PTPRT: variants seen among roughly 807,000 people sequenced by gnomAD.
The protein encoded by PTPRT is protein tyrosine phosphatase receptor type T.
In PTPRT, 56 loss-of-function variants were observed where a neutral mutation model predicts 176.8. The observed-to-expected ratio is 0.32, with a 90% CI of 0.26 to 0.40. PTPRT has a LOEUF of 0.40. Among genes scored for constraint, PTPRT ranks in the 10% least tolerant of loss-of-function variants. The probability of loss-of-function intolerance (pLI) is 1.00; values close to 1 mark genes in which losing one functional copy is unlikely to be tolerated. For missense variants in PTPRT, 1,540 were observed against 1,908.2 expected (o/e 0.81, Z 3.60); for synonymous variants, 783 against 739.0 (o/e 1.06, Z -0.96).
intron 27 of PTPRT, among the ~76,000 whole-genome samples, chr20:42,090,251 C>T (rs1984468254): frequency 6.6e-6 from 1 of 151,632 alleles, no homozygotes; most frequent in Admixed American, 6.6e-5. Flanking sequence ...TTTTTTCCTC[C>T]ACTTAGTAGC....
At chr20:42,909,113 C>G (rs1180876670) in intron 1 of PTPRT, among the ~76,000 whole-genome samples, 1 of 152,176 alleles carries the variant, frequency 6.6e-6, no homozygotes, top group African/African-American at 2.4e-5. Context: ...GATGATCTTG[C>G]CACTGCACTT....
chr20:43,048,948 C>T (rs1374229583), intron 1 of PTPRT, among the ~76,000 whole-genome samples: 1 of 152,152 alleles, frequency 6.6e-6, no homozygotes, highest in Non-Finnish European at 1.5e-5. Context: ...CCTGCTCTTC[C>T]CCACAACACC....
intron 6 of PTPRT, among the ~76,000 whole-genome samples, chr20:42,705,339 G>A (rs1263368408): frequency 1.3e-5 from 2 of 151,990 alleles, no homozygotes; most frequent in Admixed American, 6.6e-5. Flanking sequence ...AGCGAAGGGT[G>A]GTGGGATTAT....
At chr20:42,304,936 T>G (rs1238068293) in intron 12 of PTPRT, among the ~76,000 whole-genome samples, 1 of 152,238 alleles carries the variant, frequency 6.6e-6, no homozygotes, top group Admixed American at 6.5e-5. Flanking sequence ...TGCTCTTTTT[T>G]TCCTTGGCTT....
At chr20:42,197,117 C>T (rs934700625) in intron 16 of PTPRT, among the ~76,000 whole-genome samples, 3 of 152,118 alleles carry the variant, frequency 2.0e-5, no homozygotes, top group Non-Finnish European at 4.4e-5. Context: ...TGGTGGCTCA[C>T]GCCTGTAATC....
chr20:42,373,650 G>A (rs777876177), intron 9 of PTPRT, among the ~76,000 whole-genome samples: 7 of 152,182 alleles, frequency 4.6e-5, no homozygotes, highest in East Asian at 1.9e-4. Context: ...ATATAGAGGC[G>A]TCTCATTCGC....
At chr20:42,356,114 G>A (rs931478286) in intron 9 of PTPRT, among the ~76,000 whole-genome samples, 5 of 152,140 alleles carry the variant, frequency 3.3e-5, no homozygotes, top group African/African-American at 9.7e-5. Flanking sequence ...GTGAGGGATC[G>A]GGCTGGGGAG....
intron 9 of PTPRT, among the ~76,000 whole-genome samples, chr20:42,446,793 A>G (rs2070741274): frequency 6.6e-6 from 1 of 152,138 alleles, no homozygotes; most frequent in Admixed American, 6.6e-5. Context: ...GGTACTCCCC[A>G]GGAAGAAAGC....
intron 7 of PTPRT, among the ~76,000 whole-genome samples, chr20:42,658,070 G>T (rs2145991335): frequency 6.6e-6 from 1 of 152,012 alleles, no homozygotes; most frequent in African/African-American, 2.4e-5. Flanking sequence ...ATATCTAACT[G>T]ATTCTTCTTA....
intron 2 of PTPRT, among the ~76,000 whole-genome samples, chr20:42,809,008 T>C (rs1202523346): frequency 1.3e-5 from 2 of 152,172 alleles, no homozygotes; most frequent in African/African-American, 4.8e-5. Flanking sequence ...TGAAGGAATC[T>C]GGGAAACGTG....
At chr20:43,077,588 A>C (rs921159319) in intron 1 of PTPRT, among the ~76,000 whole-genome samples, 3 of 152,190 alleles carry the variant, frequency 2.0e-5, no homozygotes, top group Admixed American at 1.3e-4. Flanking sequence ...GGTTCAGAAG[A>C]CATCAGGAGT....
chr20:42,729,668 G>A (rs1265387934), intron 6 of PTPRT, among the ~76,000 whole-genome samples: 1 of 152,220 alleles, frequency 6.6e-6, no homozygotes, highest in Non-Finnish European at 1.5e-5. Flanking sequence ...AGGAATGAAT[G>A]CAGCTTGGTC....
chr20:42,561,503 A>C (rs1199350952), intron 7 of PTPRT, among the ~76,000 whole-genome samples: 1 of 152,208 alleles, frequency 6.6e-6, no homozygotes, highest in Non-Finnish European at 1.5e-5. Context: ...AAATGATCCC[A>C]TAGGTGTGTC....
chr20:42,819,434 C>A (rs1026884275), intron 2 of PTPRT, among the ~76,000 whole-genome samples: 2 of 152,118 alleles, frequency 1.3e-5, no homozygotes, highest in Admixed American at 1.3e-4. Context: ...CAGGTACTAG[C>A]CACTGCAAAA....
intron 1 of PTPRT, among the ~76,000 whole-genome samples, chr20:42,942,128 C>T (rs1322101078): frequency 6.6e-6 from 1 of 152,170 alleles, no homozygotes; most frequent in Non-Finnish European, 1.5e-5. Context: ...CCAGGGGGAG[C>T]TGCTGTCCTG....
chr20:42,046,671 T>A, the PTPRT span, among the ~76,000 whole-genome samples: 7 of 152,184 alleles, frequency 4.6e-5, no homozygotes, highest in Admixed American at 3.9e-4. Flanking sequence ...AATCTTCCAG[T>A]GCAGAGTCTG....
the PTPRT span, among the ~76,000 whole-genome samples, chr20:42,035,099 A>G: frequency 6.6e-6 from 1 of 152,132 alleles, no homozygotes; most frequent in Non-Finnish European, 1.5e-5. Context: ...ATCTCTCAGG[A>G]AGCCCATGTC....
intron 7 of PTPRT, among the ~76,000 whole-genome samples, chr20:42,608,517 G>C (rs1213823105): frequency 6.6e-6 from 1 of 152,182 alleles, no homozygotes; most frequent in Non-Finnish European, 1.5e-5. Context: ...CAACATAGCA[G>C]GATTTGCACA....
chr20:43,162,313 A>T (rs111454317), intron 1 of PTPRT, among the ~76,000 whole-genome samples: 12 of 152,324 alleles, frequency 7.9e-5, no homozygotes, highest in African/African-American at 2.6e-4. Context: ...ACATGCATTA[A>T]CTCACTTAAT....
Sources: allele counts gnomAD v4.1 joint callset (sites outside exome capture counted in the v4.1 genomes callset), GRCh38; gene constraint gnomAD v4.1.1; transcripts MANE v1.5; gene names NCBI Gene and HGNC (gene_info 2026-07-23, HGNC 2026-07-21).